The following CSTPP1 variants were observed in gnomAD, a reference collection of about 807,000 sequenced individuals.
CSTPP1 encodes UPF0705 protein C11orf49.
At chr11:47,044,073 G>A in the CSTPP1 span, among the ~76,000 whole-genome samples, 1 of 151,732 alleles carries the variant, frequency 6.6e-6, no homozygotes, top group African/African-American at 2.4e-5. Flanking sequence ...TGCAACCTCT[G>A]CCTCCCAGGT....
chr11:47,160,845 C>T, the CSTPP1 span: 1 of 474,930 alleles, frequency 2.1e-6, no homozygotes, highest in Non-Finnish European at 3.8e-6. Context: ...CACCAGGTCA[C>T]AACCACCACC....
At chr11:47,131,424 A>G in the CSTPP1 span, among the ~76,000 whole-genome samples, 11 of 152,370 alleles carry the variant, frequency 7.2e-5, no homozygotes, top group Middle Eastern at 6.8e-3. Flanking sequence ...CCAGATGTCA[A>G]AAAGACATCC....
the CSTPP1 span, among the ~76,000 whole-genome samples, chr11:47,044,480 A>G: frequency 1.3e-5 from 2 of 152,170 alleles, no homozygotes; most frequent in African/African-American, 4.8e-5. Context: ...CTTAGGCTGA[A>G]CAGACAGAAT....
chr11:46,938,311 T>C, the CSTPP1 span, among the ~76,000 whole-genome samples: 3 of 148,366 alleles, frequency 2.0e-5, no homozygotes, highest in Non-Finnish European at 4.5e-5. Context: ...GATAAACATA[T>C]ATATTTATAA....
chr11:47,003,402 C>T, the CSTPP1 span, among the ~76,000 whole-genome samples: 1 of 152,128 alleles, frequency 6.6e-6, no homozygotes, highest in Non-Finnish European at 1.5e-5. Context: ...TTGGCAGTAA[C>T]ACAAAGGTTC....
chr11:47,074,217 G>T, the CSTPP1 span, among the ~76,000 whole-genome samples: 1 of 151,580 alleles, frequency 6.6e-6, no homozygotes, highest in African/African-American at 2.4e-5. Flanking sequence ...AAATCAAAAA[G>T]CACCAGTTGC....
At chr11:47,128,927 C>A in the CSTPP1 span, among the ~76,000 whole-genome samples, 1 of 152,136 alleles carries the variant, frequency 6.6e-6, no homozygotes, top group Non-Finnish European at 1.5e-5. Flanking sequence ...TTTAAACACC[C>A]CCCAGAAATA....
At chr11:46,954,016 A>G in the CSTPP1 span, among the ~76,000 whole-genome samples, 4 of 152,198 alleles carry the variant, frequency 2.6e-5, no homozygotes, top group Non-Finnish European at 5.9e-5. Context: ...TACTGGGGGA[A>G]AGAAGAAAGA....
chr11:47,086,685 A>T, the CSTPP1 span, among the ~76,000 whole-genome samples: 4 of 152,220 alleles, frequency 2.6e-5, no homozygotes, highest in Non-Finnish European at 5.9e-5. Flanking sequence ...ATTAATTGCT[A>T]TAAGCTAGAT....
chr11:47,156,943 G>A, the CSTPP1 span: 7 of 1,459,038 alleles, frequency 4.8e-6, no homozygotes, highest in East Asian at 1.2e-4. Context: ...TGACAGAGAA[G>A]GGAAGACATA....
the CSTPP1 span, among the ~76,000 whole-genome samples, chr11:47,147,093 A>ATGGT: frequency 2.0e-5 from 3 of 152,224 alleles, no homozygotes; most frequent in Non-Finnish European, 4.4e-5. Context: ...GGTGGCTGAA[A>ATGGT]TGGTATCTGT....
the CSTPP1 span, among the ~76,000 whole-genome samples, chr11:47,013,398 C>T: frequency 2.6e-5 from 4 of 152,084 alleles, no homozygotes; most frequent in African/African-American, 9.7e-5. Flanking sequence ...AATATTCTCC[C>T]TCCTGCACCC....
the CSTPP1 span, among the ~76,000 whole-genome samples, chr11:47,112,447 G>A: frequency 3.3e-5 from 5 of 152,086 alleles, no homozygotes; most frequent in East Asian, 9.7e-4. Context: ...TCAGCCTCCT[G>A]AGTAGCTGGG....
the CSTPP1 span, among the ~76,000 whole-genome samples, chr11:47,042,385 C>T: frequency 4.1e-5 from 6 of 145,970 alleles, no homozygotes; most frequent in South Asian, 2.1e-4. Flanking sequence ...AGTAAACAAG[C>T]GTCACGTCTA....
the CSTPP1 span, among the ~76,000 whole-genome samples, chr11:47,121,466 C>T: frequency 1.3e-5 from 2 of 152,110 alleles, no homozygotes; most frequent in Admixed American, 6.6e-5. Context: ...GGTACAGATA[C>T]CTGAAAAAAA....
the CSTPP1 span, among the ~76,000 whole-genome samples, chr11:46,959,763 A>C: frequency 6.6e-6 from 1 of 151,660 alleles, no homozygotes; most frequent in Non-Finnish European, 1.5e-5. Context: ...AATTTTTAAC[A>C]TTTCTTATCT....
the CSTPP1 span, among the ~76,000 whole-genome samples, chr11:47,143,096 T>C: frequency 1.5e-4 from 23 of 152,250 alleles, no homozygotes; most frequent in Non-Finnish European, 2.9e-4. Context: ...TCCCCGAGTA[T>C]GAGCATCAAG....
the CSTPP1 span, among the ~76,000 whole-genome samples, chr11:47,122,092 A>AAAAAAT: frequency 2.9e-5 from 1 of 35,078 alleles, no homozygotes; most frequent in Non-Finnish European, 6.1e-5. Flanking sequence ...AAAAAAAAAA[A>AAAAAAT]TATATATATA....
the CSTPP1 span, among the ~76,000 whole-genome samples, chr11:47,083,644 G>A: frequency 8.5e-5 from 13 of 152,192 alleles, no homozygotes; most frequent in Admixed American, 5.2e-4. Flanking sequence ...GCCTAGAGGT[G>A]TGAAATGGTA....
Sources: allele counts gnomAD v4.1 joint callset (sites outside exome capture counted in the v4.1 genomes callset), GRCh38; gene constraint gnomAD v4.1.1; transcripts MANE v1.5; gene names NCBI Gene and HGNC (gene_info 2026-07-23, HGNC 2026-07-21).